The following SETD6 variants were observed in gnomAD, a reference collection of about 807,000 sequenced individuals.
SETD6 encodes the protein SET domain containing 6, protein lysine methyltransferase, also known as N-lysine methyltransferase SETD6.
SETD6 carries 67 observed loss-of-function variants against 52.7 expected under a neutral mutation model. That is an observed-to-expected ratio of 1.27 (90% CI 1.04 to 1.56). SETD6 has a LOEUF of 1.56. Among genes scored for constraint, SETD6 ranks in the 40% most tolerant of loss-of-function variants. SETD6 has a pLI of 0.00. For missense variants in SETD6, 712 were observed against 607.5 expected (o/e 1.17, Z -1.81); for synonymous variants, 307 against 250.2 (o/e 1.23, Z -2.14).
chr16:58,518,671 T>G, intron 7 of SETD6, 53 bp from the exon 8 acceptor site: 2 of 1,597,230 alleles, frequency 1.3e-6, no homozygotes, highest in Non-Finnish European at 1.7e-6. Context: ...CTGAGTCATT[T>G]CAGAAGTACA....
In SETD6 at chr16:58,519,763, A is replaced by AAAT. The variant is rs1217249137; in HGVS notation, c.*736_*738dup. 6.6e-6 allele frequency: 1 copy of AAAT among 152,242 alleles called. No homozygotes were observed. The highest frequency in any genetic ancestry group is 1.5e-5 in the Non-Finnish European group (1 of 68,046). The allele number at this position is 152,242 out of a possible 1,614,324, so 9.4% of individuals were successfully genotyped here. ...CCAGTGTTGAAATAAATAGGAAGAA[A>AAAT]AATACAATTTCCTTAAACATGCCAG... On this transcript the variant is annotated 3_prime_UTR_variant, in exon 8 of 8. Coordinates refer to ENST00000219315, the MANE Select transcript of SETD6 (RefSeq NM_001160305.4).
chr16:58,515,656 C>G, intron 1 of SETD6, 92 bp downstream of exon 1: 3 of 1,412,130 alleles, frequency 2.1e-6, no homozygotes, highest in South Asian at 1.5e-5. Context: ...TCCGCTCCCT[C>G]CCGCGGGTCC....
intron 6 of SETD6, 47 bp from the exon 7 acceptor site, chr16:58,518,354 G>T: frequency 6.3e-7 from 1 of 1,585,576 alleles, no homozygotes; most frequent in Non-Finnish European, 8.6e-7. Flanking sequence ...AAGAAGAAAT[G>T]AACCCTTGGG....
Position 58,516,493 on chromosome 16 carries a change from C to G in SETD6, c.492C>G (p.Arg164=), listed in dbSNP as rs1157503201. 1 of 1,613,910 alleles carries G rather than the reference C, an allele frequency of 6.2e-7. No individual in the cohort carries two copies. The highest frequency in any genetic ancestry group is 2.2e-5 in the East Asian group (1 of 44,874). The stretch of plus-strand genomic sequence containing the variant: ...GTCCCTGCAGGCCAGAGGAGGAGCG[C>G]CGGTGCCTGCTCCAGGGCACAGGCG... The part of the protein sequence containing the change: ...EHPMFWPEEE[R]RCLLQGTGVP... Residue 164 remains arginine (R), a synonymous_variant, in exon 4 of 8, where the codon CGC becomes CGG. Coordinates refer to ENST00000219315, the MANE Select transcript of SETD6 (RefSeq NM_001160305.4).
chr16:58,516,381 G>C, intron 3 of SETD6, 38 bp downstream of exon 3: 1 of 1,577,478 alleles, frequency 6.3e-7, no homozygotes, highest in Non-Finnish European at 8.5e-7. Flanking sequence ...CGCCTGCACC[G>C]TAGCCTGCTG....
intron 5 of SETD6, 176 bp downstream of exon 5, chr16:58,517,104 A>C: frequency 1.1e-6 from 1 of 922,748 alleles, no homozygotes; most frequent in Non-Finnish European, 1.7e-6. Flanking sequence ...TAAAGTCCTC[A>C]AAGTAAGTTG....
Position 58,521,366 on chromosome 16 carries a change from CATG to C in SETD6, c.*2340_*2342del. 6.5e-7 allele frequency: 1 copy of C among 1,538,880 alleles called. No homozygotes were observed. The highest frequency in any genetic ancestry group is 1.2e-5 in the South Asian group (1 of 82,500). On this transcript the variant is annotated 3_prime_UTR_variant, in exon 8 of 8. Coordinates refer to ENST00000219315, the MANE Select transcript of SETD6 (RefSeq NM_001160305.4). ...GTTAATGTATAGAAGCATACAAATTCATGATTATTCTTCCATTACTTTTTTTCT... is the reference window on the plus strand; with the variant it reads ...GTTAATGTATAGAAGCATACAAATTCATTATTCTTCCATTACTTTTTTTCT...
rs572201328 is a variant in SETD6, at chr16:58,519,968, A to C, written c.*939A>C. On this transcript the variant is annotated 3_prime_UTR_variant, in exon 8 of 8. Transcript: ENST00000219315. ...GACTCATGTGTGTGTCATGACTTTA[A>C]TGGTTAGCTACAGTATGCATACACA... 1 of 152,324 alleles carries C rather than the reference A, an allele frequency of 6.6e-6. No homozygotes were observed. The highest frequency in any genetic ancestry group is 2.1e-4 in the South Asian group (1 of 4,824). 9.4% of individuals were successfully genotyped at this position (152,324 alleles called of 1,614,324 possible).
Position 58,516,505 on chromosome 16 carries a change from C to G in SETD6, c.504C>G (p.Leu168=). Residue 168 remains leucine (L), a synonymous_variant, in exon 4 of 8, where the codon CTC becomes CTG. Coordinates refer to ENST00000219315, the MANE Select transcript of SETD6 (RefSeq NM_001160305.4). ...FWPEEERRCL[L]QGTGVPEAVE... Reference sequence around the variant, plus strand: ...CAGAGGAGGAGCGCCGGTGCCTGCTCCAGGGCACAGGCGTACCTGAGGCCG... The same window carrying G: ...CAGAGGAGGAGCGCCGGTGCCTGCTGCAGGGCACAGGCGTACCTGAGGCCG... 1 of 1,614,028 alleles carries G rather than the reference C, an allele frequency of 6.2e-7. No homozygotes were observed. Among genetic ancestry groups the G allele is most frequent in the Non-Finnish European group, 8.5e-7 (1 of 1,179,950 alleles).
At position 58,518,923 on chromosome 16, in the gene SETD6, G is replaced by C. The variant is rs2039268159; in HGVS notation, c.1316G>C (p.Ser439Thr). Residue 439 changes from serine (S) to threonine (T), a missense_variant, in exon 8 of 8, where the codon AGT (serine) becomes ACT (threonine). Coordinates refer to ENST00000219315, the MANE Select transcript of SETD6 (RefSeq NM_001160305.4). ...TDLKTDQGLL[S>T]NKEVYAKLSW... ...TTAAAAACTGACCAAGGTTTACTCA[G>C]TAATAAGGAAGTCTATGCGAAACTC... 3 of 1,614,068 alleles carry C rather than the reference G, an allele frequency of 1.9e-6. No homozygotes were observed. The Admixed American group carries it at 5.0e-5, about 27-fold the overall frequency.
Position 58,523,220 on chromosome 16 carries a change from G to C in SETD6, c.*4191G>C, listed in dbSNP as rs147012235. On this transcript the variant is annotated 3_prime_UTR_variant, in exon 8 of 8. Transcript: ENST00000219315. ...AGATGGCGCCACTGTACTGCAGACT[G>C]AGTGACAGAGCAACACTCCGTCTCA... The C allele has an allele frequency of 6.9e-6, 5 of 722,496 alleles. No individual in the cohort carries two copies. Among genetic ancestry groups the C allele is most frequent in the Non-Finnish European group, 1.0e-5 (5 of 477,916 alleles). The allele number at this position is 722,496 out of a possible 1,614,324, so 44.8% of individuals were successfully genotyped here.
At position 58,517,116 on chromosome 16, in the gene SETD6, G is replaced by A. The variant is rs1025870489; in HGVS notation, c.792+188G>A. The A allele has an allele frequency of 1.5e-5, 12 of 811,412 alleles. 1 individual carries two copies. The highest frequency in any genetic ancestry group is 2.6e-4 in the Middle Eastern group (1 of 3,828). The allele number at this position is 811,412 out of a possible 1,614,324, so 50.3% of individuals were successfully genotyped here. Reference sequence around the variant, plus strand: ...TTTTAAAGTCCTCAAAGTAAGTTGTGGTTAATCCTCTGATAAACTATACTA... The same window carrying A: ...TTTTAAAGTCCTCAAAGTAAGTTGTAGTTAATCCTCTGATAAACTATACTA... On this transcript the variant is annotated intron_variant, in intron 5 of 7. Coordinates refer to ENST00000219315, the MANE Select transcript of SETD6 (RefSeq NM_001160305.4).
Position 58,518,759 on chromosome 16 carries a change from T to TA in SETD6, c.1155dup (p.Asp386ArgfsTer8), listed in dbSNP as rs2039263109. On this transcript the variant is annotated frameshift_variant, in exon 8 of 8. Transcript: ENST00000219315. LOFTEE classifies it high-confidence loss of function. ...TGCCTGCTGAGGAGTTCAGAGAGCT[T>TA]AAAGACCAGGATGGAGGGGGAGATG... 6.2e-7 allele frequency: 1 copy of TA among 1,614,040 alleles called. No individual in the cohort carries two copies. The highest frequency in any genetic ancestry group is 1.1e-5 in the South Asian group (1 of 91,052).
chr16:58,522,206 C>A lies in SETD6; in HGVS notation c.*3177C>A, dbSNP rs1486787660. Among the ~76,000 whole-genome samples, 50 of 124,792 alleles carry A rather than the reference C, an allele frequency of 4.0e-4. No homozygotes were observed. In the Admixed American group the frequency reaches 4.6e-3, roughly 12 times the overall value. 81.9% of individuals were successfully genotyped at this position (124,792 alleles called of 152,430 possible). ...TGGTGGCAGGTGCCTGTAATCCCAG[C>A]TACTCAGGAGGCGACAAAGCGAGAC... On this transcript the variant is annotated 3_prime_UTR_variant, in exon 8 of 8. Coordinates refer to ENST00000219315, the MANE Select transcript of SETD6 (RefSeq NM_001160305.4).
At position 58,521,843 on chromosome 16, in the gene SETD6, T is replaced by G. The variant is rs1221236267; in HGVS notation, c.*2814T>G. ...GGCCACATGCCTGTAATCCCAGCAG[T>G]CGGACGCTGAGGCAGGAGAATCGCT... On this transcript the variant is annotated 3_prime_UTR_variant, in exon 8 of 8. Transcript: ENST00000219315. 1.3e-5 allele frequency among the ~76,000 whole-genome samples: 2 copies of G among 151,486 alleles called. No homozygotes were observed. The highest frequency in any genetic ancestry group is 4.9e-5 in the African/African-American group (2 of 41,168).
intron 5 of SETD6, 200 bp from the exon 6 acceptor site, chr16:58,517,851 G>GA: frequency 1.6e-6 from 1 of 642,336 alleles, no homozygotes; most frequent in Non-Finnish European, 2.7e-6. Context: ...AGTTAAACAT[G>GA]AAGCTGGCCT....
intron 1 of SETD6, 66 bp from the exon 2 acceptor site, chr16:58,515,725 G>T: frequency 7.1e-7 from 1 of 1,405,518 alleles, no homozygotes; most frequent in Non-Finnish European, 9.2e-7. Context: ...CTCGCGCCGC[G>T]GTCTCCTGCA....
chr16:58,523,692 A>G lies in SETD6; in HGVS notation c.*4663A>G. 1 of 465,378 alleles carries G rather than the reference A, an allele frequency of 2.1e-6. No individual in the cohort carries two copies. The highest frequency in any genetic ancestry group is 3.8e-6 in the Non-Finnish European group (1 of 263,430). The allele number at this position is 465,378 out of a possible 1,614,324, so 28.8% of individuals were successfully genotyped here. A position where few individuals can be genotyped will look rare whatever the true frequency, so the allele number is the denominator to read the frequency against. On this transcript the variant is annotated 3_prime_UTR_variant, in exon 8 of 8. Coordinates refer to ENST00000219315, the MANE Select transcript of SETD6 (RefSeq NM_001160305.4). Reference sequence around the variant, plus strand: ...TATTTCAGAATTTTCCACATTAGAAATTAGATTTTAAAAATATTCATTTTT... The same window carrying G: ...TATTTCAGAATTTTCCACATTAGAAGTTAGATTTTAAAAATATTCATTTTT...
intron 1 of SETD6, 73 bp downstream of exon 1, chr16:58,515,637 T>TGCGCCCCCTCCGCTCCCTCCC (rs2039095363): frequency 7.0e-7 from 1 of 1,426,766 alleles, no homozygotes; most frequent in Non-Finnish European, 9.2e-7. Flanking sequence ...ACCGTCCGCC[T>TGCGCCCCCTCCGCTCCCTCCC]GCGCCCCCTC....
Sources: gnomAD v4.1 joint callset for allele counts (sites outside exome capture counted in the v4.1 genomes callset) on GRCh38, gnomAD v4.1.1 for gene constraint, MANE v1.5 for transcripts, NCBI Gene and HGNC (gene_info 2026-07-23, HGNC 2026-07-21) for gene names.